The following CERS4 variants were observed in gnomAD, a reference collection of about 807,000 sequenced individuals.
CERS4 encodes ceramide synthase 4, also known as LAG1 homolog, ceramide synthase 4.
A neutral mutation model predicts 51.8 loss-of-function variants in CERS4; 65 were observed. That is an observed-to-expected ratio of 1.26 (90% CI 1.03 to 1.54). The LOEUF (loss-of-function observed/expected upper bound fraction) is 1.54, where lower values mean the gene tolerates loss of function less well. CERS4 is among the 40% of genes most tolerant of loss of function. CERS4 has a pLI of 0.00. For synonymous variants in CERS4, 228 were observed against 208.4 expected (o/e 1.09, Z -0.81); for missense variants, 563 against 500.4 (o/e 1.13, Z -1.19).
intron 2 of CERS4, among the ~76,000 whole-genome samples, chr19:8,236,698 AAAAG>A (rs926194341): frequency 0.027 from 618 of 22,616 alleles, 106 homozygotes; most frequent in Middle Eastern, 0.13. Context: ...AAAAAAAAAA[AAAAG>A]AAAGAAAGAA....
Position 8,256,561 on chromosome 19 carries a change from C to T in CERS4, c.520-57C>T, listed in dbSNP as rs968626069. On this transcript the variant is annotated intron_variant, in intron 7 of 11. Transcript: ENST00000251363. ...AAACGGAGTGGGCCCGGAGCCATAC[C>T]CCTGCCCGATTGGAGCCTTCGCTCC... The T allele has an allele frequency of 4.0e-6, 6 of 1,513,980 alleles. No homozygotes were observed. The African/African-American group carries it at 8.3e-5, about 21-fold the overall frequency. 93.8% of individuals were successfully genotyped at this position (1,513,980 alleles called of 1,614,324 possible).
chr19:8,221,024 A>G (rs1198738156), intron 2 of CERS4, among the ~76,000 whole-genome samples: 1 of 148,670 alleles, frequency 6.7e-6, no homozygotes, highest in Non-Finnish European at 1.5e-5. Flanking sequence ...ACGGGGTTTC[A>G]CCCTGTTAGC....
At position 8,209,423 on chromosome 19, in the gene CERS4, G is replaced by A. The variant is rs1966995634; in HGVS notation, c.-230G>A. The A allele has an allele frequency of 6.6e-6, 1 of 151,164 alleles. No individual in the cohort carries two copies. The highest frequency in any genetic ancestry group is 2.4e-5 in the African/African-American group (1 of 41,312). The allele number at this position is 151,164 out of a possible 1,614,324, so 9.4% of individuals were successfully genotyped here. ...GCGGCGCGTGTCTGCAGCTGCTCCG[G>A]GTAGCCCGCTAGGCGCGCCGTCCCC... On this transcript the variant is annotated 5_prime_UTR_variant, in exon 1 of 12. Coordinates refer to ENST00000251363, the MANE Select transcript of CERS4 (RefSeq NM_024552.3).
Position 8,257,910 on chromosome 19 carries a change from A to G in CERS4, c.773A>G (p.Gln258Arg), listed in dbSNP as rs2145330057. The change falls in exon 10 of 12, where the codon CAG becomes CGG. Residue 258 changes from glutamine (Q) to arginine (R), a missense_variant. Gln to Arg is a conservative substitution (Grantham distance 43). Coordinates refer to ENST00000251363, the MANE Select transcript of CERS4 (RefSeq NM_024552.3). ...AAGATGGTCAACTACATGCAGTATC[A>G]GCAAGTGTGCGACGCTCTCTTCCTC... ...ACKMVNYMQY[Q>R]QVCDALFLIF... The G allele has an allele frequency of 6.2e-7, 1 of 1,613,868 alleles. No homozygotes were observed. Among genetic ancestry groups the G allele is most frequent in the Middle Eastern group, 1.6e-4 (1 of 6,062 alleles).
Position 8,255,633 on chromosome 19 carries a change from G to C in CERS4, c.318G>C (p.Gln106His). Residue 106 changes from glutamine to histidine, a missense_variant, in exon 5 of 12, where the codon CAG becomes CAC. By Grantham distance (24) the Gln-to-His change is conservative (BLOSUM62 0). Transcript: ENST00000251363. ...KEPQLSLLAA[Q>H]CGLTLQQTQR... Reference sequence around the variant, plus strand: ...CCCAGCTGTCTCTCCTGGCCGCCCAGTGTGGCCTCACGCTGCAGCAGACCC... The same window carrying C: ...CCCAGCTGTCTCTCCTGGCCGCCCACTGTGGCCTCACGCTGCAGCAGACCC... 6.2e-7 allele frequency: 1 copy of C among 1,612,734 alleles called. No homozygotes were observed. The highest frequency in any genetic ancestry group is 8.5e-7 in the Non-Finnish European group (1 of 1,179,976).
chr19:8,226,225 T>C (rs1967781895), intron 2 of CERS4, among the ~76,000 whole-genome samples: 1 of 152,050 alleles, frequency 6.6e-6, no homozygotes, highest in Non-Finnish European at 1.5e-5. Context: ...GGTAACAGTA[T>C]CTTCCTCAGG....
In CERS4 at chr19:8,256,255, C is replaced by T. The variant is rs1969375343; in HGVS notation, c.488C>T (p.Pro163Leu). 9 of 1,613,260 alleles carry T rather than the reference C, an allele frequency of 5.6e-6. No homozygotes were observed. In the East Asian group the frequency reaches 2.0e-4, roughly 36 times the overall value. ...VLYHESWLWAPVMCWDRYPNQ... is the reference protein window; with the variant it reads ...VLYHESWLWALVMCWDRYPNQ... ...CTGCAGGAGTCATGGCTGTGGGCAC[C>T]AGTAATGTGCTGGGACAGGTACCCA... The change falls in exon 7 of 12, where the codon CCA becomes CTA. Residue 163 changes from proline to leucine, a missense_variant. Physicochemically the swap from Pro to Leu is moderately conservative, Grantham distance 98. Transcript: ENST00000251363.
At chr19:8,254,645 C>T in intron 4 of CERS4, 29 bp downstream of exon 4, 1 of 1,566,796 alleles carries the variant, frequency 6.4e-7, no homozygotes, top group Non-Finnish European at 8.7e-7. Context: ...CTCCGACCCG[C>T]ACTACTGCCC....
intron 4 of CERS4, 132 bp downstream of exon 4, chr19:8,254,748 C>T (rs1453930210): frequency 4.1e-6 from 3 of 736,464 alleles, no homozygotes; most frequent in East Asian, 2.7e-5. Context: ...CCCTACTTTC[C>T]ACTCTTCATC....
intron 2 of CERS4, among the ~76,000 whole-genome samples, chr19:8,237,124 C>T (rs1176455684): frequency 2.0e-5 from 3 of 151,468 alleles, no homozygotes; most frequent in Non-Finnish European, 4.4e-5. Flanking sequence ...AACACAGAGA[C>T]GATTATAGAT....
Position 8,255,883 on chromosome 19 carries a change from A to C in CERS4, c.468+4A>C, listed in dbSNP as rs989603261. 2 of 1,613,546 alleles carry C rather than the reference A, an allele frequency of 1.2e-6. No individual in the cohort carries two copies. Among genetic ancestry groups the C allele is most frequent in the African/African-American group, 1.3e-5 (1 of 74,996 alleles). On this transcript the variant is annotated splice_donor_region_variant and intron_variant, in intron 6 of 11. Coordinates refer to ENST00000251363, the MANE Select transcript of CERS4 (RefSeq NM_024552.3). ...CGGCCTCTCGGTCCTGTACCACGTGAGTATACCAGAGTATAGCTGACTGCT... is the reference window on the plus strand; with the variant it reads ...CGGCCTCTCGGTCCTGTACCACGTGCGTATACCAGAGTATAGCTGACTGCT...
intron 2 of CERS4, among the ~76,000 whole-genome samples, chr19:8,245,127 A>ACAAAACAAAAC (rs1198999411): frequency 7.0e-6 from 1 of 142,188 alleles, no homozygotes; most frequent in Non-Finnish European, 1.5e-5. Flanking sequence ...AAAAAAAAAA[A>ACAAAACAAAAC]AAAAAAAACA....
chr19:8,260,975 A>AAC, intron 10 of CERS4: 1 of 150,970 alleles, frequency 6.6e-6, no homozygotes. Context: ...AAAAAAAAAA[A>AAC]AACAAGAACC....
chr19:8,213,592 G>A lies in CERS4; in HGVS notation c.-2+2730G>A, dbSNP rs556474626. ...CAAAGCACTAGGATTATAGGCATGA[G>A]CCACTGTGCCTGGCCAAGCGCAGGC... is the stretch of plus-strand genomic sequence containing the variant. On this transcript the variant is annotated intron_variant, in intron 2 of 11. Coordinates refer to ENST00000251363, the MANE Select transcript of CERS4 (RefSeq NM_024552.3). 5.9e-5 allele frequency among the ~76,000 whole-genome samples: 9 copies of A among 152,268 alleles called. 1 individual carries two copies. In the South Asian group the frequency reaches 1.9e-3, roughly 32 times the overall value.
intron 3 of CERS4, among the ~76,000 whole-genome samples, chr19:8,253,831 C>T (rs1682367150): frequency 6.6e-6 from 1 of 152,006 alleles, no homozygotes. Context: ...CTCACGTGAT[C>T]CGCCCACCTC....
intron 2 of CERS4, among the ~76,000 whole-genome samples, chr19:8,220,957 G>A (rs1338258544): frequency 6.6e-6 from 1 of 151,958 alleles, no homozygotes; most frequent in Non-Finnish European, 1.5e-5. Context: ...GAGTAGCTGG[G>A]ACTATAGGCG....
At chr19:8,232,087 C>T (rs930206535) in intron 2 of CERS4, among the ~76,000 whole-genome samples, 1 of 151,792 alleles carries the variant, frequency 6.6e-6, no homozygotes, top group African/African-American at 2.4e-5. Context: ...ACCTCAGCCT[C>T]CCGAAGCAGT....
chr19:8,233,670 T>C (rs1019369266), intron 2 of CERS4, among the ~76,000 whole-genome samples: 24 of 152,136 alleles, frequency 1.6e-4, no homozygotes, highest in Admixed American at 7.2e-4. Context: ...TGAACATAGC[T>C]CTTCCTCCAC....
chr19:8,261,542 A>G, intron 10 of CERS4, 146 bp from the exon 11 acceptor site: 3 of 896,164 alleles, frequency 3.3e-6, no homozygotes, highest in Non-Finnish European at 5.2e-6. Flanking sequence ...GCCCAGCTCA[A>G]GAGTGTTAGG....
Sources: allele counts gnomAD v4.1 joint callset (sites outside exome capture counted in the v4.1 genomes callset), GRCh38; gene constraint gnomAD v4.1.1; transcripts MANE v1.5; gene names NCBI Gene and HGNC (gene_info 2026-07-23, HGNC 2026-07-21).